IL1RAP: variants seen among roughly 807,000 people sequenced by gnomAD.
The protein encoded by IL1RAP is interleukin 1 receptor accessory protein.
In IL1RAP, 35 loss-of-function variants were observed where a neutral mutation model predicts 60.7. That is an observed-to-expected ratio of 0.58 (90% CI 0.44 to 0.76). The LOEUF (loss-of-function observed/expected upper bound fraction) is 0.76, where lower values mean the gene tolerates loss of function less well. Among genes scored for constraint, IL1RAP ranks in the 30% least tolerant of loss-of-function variants. IL1RAP has a pLI of 0.00. For synonymous variants in IL1RAP, 268 were observed against 250.9 expected, an observed-to-expected ratio of 1.07 and a Z score of -0.64; for missense variants, 572 against 693.9, an observed-to-expected ratio of 0.82 and a Z score of 1.97.
At chr3:190,549,117 G>A (rs973050224) in intron 1 of IL1RAP, among the ~76,000 whole-genome samples, 1 of 152,014 alleles carries the variant, frequency 6.6e-6, no homozygotes, top group African/African-American at 2.4e-5. Context: ...AGGGAAACAG[G>A]GACTCTCAAC....
rs1727993240 is a variant in IL1RAP, at chr3:190,581,483, G to A, written c.64+17130G>A. Among the ~76,000 whole-genome samples the A allele has an allele frequency of 2.0e-5, 3 of 152,180 alleles. No homozygotes were observed. In the South Asian group the frequency reaches 6.2e-4, roughly 31 times the overall value. On this transcript the variant is annotated intron_variant, in intron 3 of 11. Transcript: ENST00000447382. ...TGAGACCTTTTACATTCGAAGCTGG[G>A]TGCTTGCCGACAAGAATCCGTATTT...
chr3:190,589,841 T>A (rs1239482635), intron 3 of IL1RAP, among the ~76,000 whole-genome samples: 1 of 152,190 alleles, frequency 6.6e-6, no homozygotes, highest in East Asian at 1.9e-4. Context: ...ATTCCAATCA[T>A]GCTGTTGAGT....
At chr3:190,614,970 G>A (rs189284560) in intron 5 of IL1RAP, among the ~76,000 whole-genome samples, 86 of 152,120 alleles carry the variant, frequency 5.7e-4, no homozygotes, top group African/African-American at 2.1e-3. Flanking sequence ...GAGATTACAG[G>A]AAACAGAAAA....
At chr3:190,522,019 A>T (rs968173602) in intron 1 of IL1RAP, among the ~76,000 whole-genome samples, 2 of 152,242 alleles carry the variant, frequency 1.3e-5, no homozygotes, top group Non-Finnish European at 1.5e-5. Flanking sequence ...TCTCATTAAA[A>T]TGTGAGTTCT....
At chr3:190,554,022 C>T (rs1258880574) in intron 1 of IL1RAP, among the ~76,000 whole-genome samples, 3 of 138,202 alleles carry the variant, frequency 2.2e-5, no homozygotes, top group Non-Finnish European at 4.6e-5. Context: ...GATCCCGCCA[C>T]TGCACTCCAG....
intron 1 of IL1RAP, among the ~76,000 whole-genome samples, chr3:190,541,303 T>C (rs1014425013): frequency 7.2e-5 from 11 of 152,136 alleles, no homozygotes; most frequent in African/African-American, 2.4e-4. Flanking sequence ...AAAGGATTTA[T>C]ATACATTTCA....
rs558210494 is a variant in IL1RAP, at chr3:190,539,132, T to C, written c.-88-16998T>C. On this transcript the variant is annotated intron_variant, in intron 1 of 11. Coordinates refer to ENST00000447382, the MANE Select transcript of IL1RAP (RefSeq NM_002182.4). The stretch of plus-strand genomic sequence containing the variant: ...ACAGTGGTGTGGAGGATTACAGCTT[T>C]CAGAAAGAAGCTCAGGTGAGTTCAT... Among the ~76,000 whole-genome samples the C allele has an allele frequency of 2.0e-5, 3 of 152,242 alleles. No homozygotes were observed. The South Asian group carries it at 6.2e-4, about 32-fold the overall frequency.
At chr3:190,645,956 T>C (rs1369490974) in intron 11 of IL1RAP, 114 bp downstream of exon 11, 1 of 836,770 alleles carries the variant, frequency 1.2e-6, no homozygotes, top group Admixed American at 3.0e-5. Flanking sequence ...TAATGTCCGA[T>C]GCTCTTTGAT....
rs988509678 is a variant in IL1RAP, at chr3:190,650,736, C to T, written c.*2031C>T. The T allele has an allele frequency of 1.2e-4, 121 of 982,440 alleles. No homozygotes were observed. The highest frequency in any genetic ancestry group is 2.5e-4 in the Admixed American group (4 of 16,254). 60.9% of individuals were successfully genotyped at this position (982,440 alleles called of 1,614,324 possible). A position where few individuals can be genotyped will look rare whatever the true frequency, so the allele number is the denominator to read the frequency against. On this transcript the variant is annotated 3_prime_UTR_variant, in exon 12 of 12. Coordinates refer to ENST00000447382, the MANE Select transcript of IL1RAP (RefSeq NM_002182.4). ...TTTTTAGCCTTATTAATATTTTTCC[C>T]TATTAGAAACCACAATTACTCCCTC...
chr3:190,628,508 A>G (rs1408431382), intron 8 of IL1RAP, among the ~76,000 whole-genome samples: 4 of 152,202 alleles, frequency 2.6e-5, no homozygotes, highest in Non-Finnish European at 5.9e-5. Context: ...AAGAGAACCT[A>G]GATGGCAGTC....
At position 190,562,371 on chromosome 3, in the gene IL1RAP, G is replaced by T. The variant is rs533907956; in HGVS notation, c.-1-1918G>T. Among the ~76,000 whole-genome samples, 565 of 147,456 alleles carry T rather than the reference G, an allele frequency of 3.8e-3. 6 individuals are homozygous for T. The highest frequency in any genetic ancestry group is 0.011 in the African/African-American group (466 of 40,680). ...CACTTTTTACTTCATATTGCAGGGG[G>T]TTTTTTTTTTGGTGCACATTTTAAG... is the stretch of plus-strand genomic sequence containing the variant. On this transcript the variant is annotated intron_variant, in intron 2 of 11. Coordinates refer to ENST00000447382, the MANE Select transcript of IL1RAP (RefSeq NM_002182.4).
chr3:190,527,780 T>G (rs79217784), intron 1 of IL1RAP, among the ~76,000 whole-genome samples: 1 of 149,612 alleles, frequency 6.7e-6, no homozygotes, highest in East Asian at 2.0e-4. Flanking sequence ...GTTCAGATGT[T>G]TCGATATTCC....
intron 3 of IL1RAP, among the ~76,000 whole-genome samples, chr3:190,577,566 C>A (rs1040275971): frequency 3.3e-5 from 5 of 152,152 alleles, no homozygotes; most frequent in Admixed American, 1.3e-4. Context: ...TTCTTTCCCC[C>A]CTGCAGGATC....
At position 190,649,063 on chromosome 3, in the gene IL1RAP, T is replaced by A; in HGVS notation, c.*358T>A. ...CCTTTCCTATGAATTTAAATATGCC[T>A]TTAAAATAAGTCACTGTTGACAGGG... On this transcript the variant is annotated 3_prime_UTR_variant, in exon 12 of 12. Coordinates refer to ENST00000447382, the MANE Select transcript of IL1RAP (RefSeq NM_002182.4). 1 of 998,492 alleles carries A rather than the reference T, an allele frequency of 1.0e-6. No homozygotes were observed. The highest frequency in any genetic ancestry group is 1.2e-6 in the Non-Finnish European group (1 of 838,802). The allele number at this position is 998,492 out of a possible 1,614,324, so 61.9% of individuals were successfully genotyped here.
At chr3:190,622,691 T>C (rs1018378717) in intron 6 of IL1RAP, among the ~76,000 whole-genome samples, 7 of 152,198 alleles carry the variant, frequency 4.6e-5, no homozygotes, top group African/African-American at 9.7e-5. Context: ...AAGAGATACA[T>C]AGGGGGAGTT....
rs1730964070 is a variant in IL1RAP, at chr3:190,613,129, G to GGA, written c.537+3957_537+3958dup. On this transcript the variant is annotated intron_variant, in intron 5 of 11. Transcript: ENST00000447382. Reference sequence around the variant, plus strand: ...AAGGAGAAAATACTGTTGGTTTTAAGGAGAGAGAGATATGTATCCTAGAAG... The same window carrying GGA: ...AAGGAGAAAATACTGTTGGTTTTAAGGAGAGAGAGAGATATGTATCCTAGAAG... Among the ~76,000 whole-genome samples the GGA allele has an allele frequency of 2.6e-5, 4 of 152,176 alleles. No individual in the cohort carries two copies. The South Asian group carries it at 8.3e-4, about 31-fold the overall frequency.
intron 2 of IL1RAP, among the ~76,000 whole-genome samples, chr3:190,557,202 A>G (rs1268389576): frequency 6.6e-6 from 1 of 152,178 alleles, no homozygotes; most frequent in African/African-American, 2.4e-5. Context: ...AGTCAAACAA[A>G]CTAGGAACTG....
chr3:190,544,329 C>A (rs1419665967), intron 1 of IL1RAP, among the ~76,000 whole-genome samples: 2 of 152,194 alleles, frequency 1.3e-5, no homozygotes, highest in Admixed American at 6.5e-5. Flanking sequence ...AAATTATAAT[C>A]AACTCCAATT....
chr3:190,629,603 G>A (rs1001485213), intron 9 of IL1RAP, 105 bp downstream of exon 9: 1 of 1,443,946 alleles, frequency 6.9e-7, no homozygotes, highest in Non-Finnish European at 9.1e-7. Flanking sequence ...CACCTAGCCC[G>A]ACGGCATCTA....
Sources: allele counts gnomAD v4.1 joint callset (sites outside exome capture counted in the v4.1 genomes callset), GRCh38; gene constraint gnomAD v4.1.1; transcripts MANE v1.5; gene names NCBI Gene and HGNC (gene_info 2026-07-23, HGNC 2026-07-21).